Variants in SLC39A11 observed in about 807,000 individuals in gnomAD.
SLC39A11 encodes the protein zinc transporter ZIP11.
A neutral mutation model predicts 36.1 loss-of-function variants in SLC39A11; 33 were observed. The ratio of observed to expected loss-of-function variants is 0.91; its 90% CI spans 0.69 to 1.22. The LOEUF is 1.22. Among genes scored for constraint, SLC39A11 ranks in the 50% most tolerant of loss-of-function variants. The pLI, the probability that SLC39A11 is intolerant of heterozygous loss-of-function variation, is 0.00. For missense variants in SLC39A11, 432 were observed against 430.3 expected (o/e 1.00, Z -0.03); for synonymous variants, 166 against 170.3 (o/e 0.97, Z 0.20).
At chr17:73,037,276 T>A (rs1022047970) in intron 3 of SLC39A11, among the ~76,000 whole-genome samples, 1 of 152,232 alleles carries the variant, frequency 6.6e-6, no homozygotes, top group Non-Finnish European at 1.5e-5. Context: ...GATCCTATGA[T>A]AAGCATCACT....
intron 7 of SLC39A11, among the ~76,000 whole-genome samples, chr17:72,703,215 G>T (rs1353775525): frequency 3.3e-5 from 5 of 152,148 alleles, no homozygotes. Flanking sequence ...GAAAAGTCCT[G>T]CATGTGGGAC....
intron 4 of SLC39A11, among the ~76,000 whole-genome samples, chr17:72,999,988 C>A (rs1280185256): frequency 6.6e-6 from 1 of 152,040 alleles, no homozygotes. Flanking sequence ...CTCATCCACC[C>A]ACCTCAGCCT....
At chr17:72,810,075 CA>C (rs753828527) in intron 6 of SLC39A11, among the ~76,000 whole-genome samples, 1 of 53,530 alleles carries the variant, frequency 1.9e-5, no homozygotes, top group African/African-American at 8.8e-5. Flanking sequence ...AAAACAAAAA[CA>C]AAAACAACAA....
chr17:72,762,738 T>C (rs998189181), intron 6 of SLC39A11, among the ~76,000 whole-genome samples: 2 of 152,280 alleles, frequency 1.3e-5, no homozygotes, highest in Admixed American at 6.5e-5. Flanking sequence ...CATGGGATTA[T>C]TGCGTACCTC....
At chr17:73,048,606 T>C (rs1044526746) in intron 3 of SLC39A11, among the ~76,000 whole-genome samples, 1 of 152,186 alleles carries the variant, frequency 6.6e-6, no homozygotes, top group Non-Finnish European at 1.5e-5. Context: ...CTTTGAGAAA[T>C]TGCCAAACTG....
intron 3 of SLC39A11, among the ~76,000 whole-genome samples, chr17:73,046,961 T>C (rs1404522356): frequency 1.3e-5 from 2 of 150,962 alleles, no homozygotes; most frequent in African/African-American, 4.9e-5. Flanking sequence ...AAACAAAAAA[T>C]AAAAAACGAA....
chr17:73,032,791 A>C (rs995367090), intron 3 of SLC39A11, among the ~76,000 whole-genome samples: 1 of 152,218 alleles, frequency 6.6e-6, no homozygotes, highest in Non-Finnish European at 1.5e-5. Flanking sequence ...GACGAAGGGA[A>C]CTAATATTTA....
At chr17:72,766,248 G>C (rs1056854588) in intron 6 of SLC39A11, among the ~76,000 whole-genome samples, 2 of 152,174 alleles carry the variant, frequency 1.3e-5, no homozygotes, top group Non-Finnish European at 2.9e-5. Context: ...TGTGATGCTG[G>C]CTGTCACTGT....
At chr17:72,950,020 T>C (rs533155593) in intron 4 of SLC39A11, among the ~76,000 whole-genome samples, 1 of 151,276 alleles carries the variant, frequency 6.6e-6, no homozygotes, top group South Asian at 2.1e-4. Flanking sequence ...TTCACTGTCA[T>C]GATGATGAGA....
At chr17:72,782,712 A>C (rs112902564) in intron 6 of SLC39A11, among the ~76,000 whole-genome samples, 49,641 of 126,176 alleles carry the variant, frequency 0.39, 12,367 homozygotes, top group Non-Finnish European at 0.56. Context: ...AAAAAAAAAA[A>C]AAAGCAGGCC....
At chr17:72,872,652 T>C (rs1484799274) in intron 5 of SLC39A11, among the ~76,000 whole-genome samples, 1 of 152,178 alleles carries the variant, frequency 6.6e-6, no homozygotes, top group Non-Finnish European at 1.5e-5. Context: ...TAGTTTCTAG[T>C]GTAACTTTAA....
At chr17:73,038,603 A>T (rs1364661584) in intron 3 of SLC39A11, among the ~76,000 whole-genome samples, 1 of 151,314 alleles carries the variant, frequency 6.6e-6, no homozygotes, top group African/African-American at 2.4e-5. Context: ...GCTATTTGGG[A>T]GGCTGAGACA....
intron 4 of SLC39A11, among the ~76,000 whole-genome samples, chr17:72,977,368 G>A (rs984815696): frequency 2.0e-5 from 3 of 152,176 alleles, no homozygotes; most frequent in African/African-American, 7.2e-5. Flanking sequence ...ACCCACCCAC[G>A]TGCTCCCAAC....
intron 4 of SLC39A11, among the ~76,000 whole-genome samples, chr17:72,973,658 A>G (rs1177270479): frequency 6.6e-6 from 1 of 152,148 alleles, no homozygotes; most frequent in African/African-American, 2.4e-5. Context: ...TCTGGGGCTC[A>G]GATGATCCTC....
intron 5 of SLC39A11, among the ~76,000 whole-genome samples, chr17:72,861,091 T>G (rs1237170649): frequency 1.3e-5 from 2 of 152,120 alleles, no homozygotes; most frequent in African/African-American, 2.4e-5. Context: ...GTACACCTAA[T>G]CCATTTTAAC....
At chr17:72,653,706 C>T (rs1346877233) in intron 7 of SLC39A11, among the ~76,000 whole-genome samples, 1 of 152,064 alleles carries the variant, frequency 6.6e-6, no homozygotes, top group Non-Finnish European at 1.5e-5. Flanking sequence ...TCCCAAAGTG[C>T]GGGATTACAG....
chr17:72,782,812 C>A (rs181491404), intron 6 of SLC39A11, among the ~76,000 whole-genome samples: 1 of 150,740 alleles, frequency 6.6e-6, no homozygotes, highest in East Asian at 2.0e-4. Flanking sequence ...ACCAGCCTGG[C>A]GAACATGGCA....
intron 6 of SLC39A11, among the ~76,000 whole-genome samples, chr17:72,743,047 T>C (rs995888179): frequency 5.9e-5 from 9 of 152,246 alleles, no homozygotes; most frequent in Admixed American, 5.2e-4. Context: ...CCTGTGCTAA[T>C]TAGCAAAACA....
chr17:72,770,073 C>T (rs1319890653), intron 6 of SLC39A11, among the ~76,000 whole-genome samples: 1 of 152,238 alleles, frequency 6.6e-6, no homozygotes, highest in African/African-American at 2.4e-5. Context: ...ACCTTGGGCA[C>T]ATGTCATCAG....
Sources: gnomAD v4.1 joint callset for allele counts (sites outside exome capture counted in the v4.1 genomes callset) on GRCh38, gnomAD v4.1.1 for gene constraint, MANE v1.5 for transcripts, NCBI Gene and HGNC (gene_info 2026-07-23, HGNC 2026-07-21) for gene names.